THSD7B: variants seen among roughly 807,000 people sequenced by gnomAD.
The protein encoded by THSD7B is thrombospondin type 1 domain containing 7B, also known as thrombospondin type-1 domain-containing protein 7B.
In THSD7B, 138 loss-of-function variants were observed where a neutral mutation model predicts 213.6. The ratio of observed to expected loss-of-function variants is 0.65; its 90% CI spans 0.56 to 0.74. THSD7B has a LOEUF of 0.74. Among genes scored for constraint, THSD7B ranks in the 30% least tolerant of loss-of-function variants. The pLI is 0.00. For missense variants in THSD7B, 1,931 were observed against 1,991.5 expected (o/e 0.97, Z 0.58); for synonymous variants, 742 against 687.0 (o/e 1.08, Z -1.25).
chr2:137,281,688 A>C (rs1416124399), intron 12 of THSD7B, among the ~76,000 whole-genome samples: 1 of 152,042 alleles, frequency 6.6e-6, no homozygotes, highest in African/African-American at 2.4e-5. Flanking sequence ...TTTGCTGAGA[A>C]TGATGGTTTC....
Position 137,638,586 on chromosome 2 carries a change from GC to G in THSD7B, c.3800-3901del. Among the ~76,000 whole-genome samples, 3 of 152,312 alleles carry G rather than the reference GC, an allele frequency of 2.0e-5. No homozygotes were observed. In the East Asian group the frequency reaches 5.8e-4, roughly 29 times the overall value. On this transcript the variant is annotated intron_variant, in intron 20 of 27. Coordinates refer to ENST00000409968, the MANE Select transcript of THSD7B (RefSeq NM_001316349.2). ...TGAAAAGATACCTGAAAATGTGGAA[GC>G]GACTTTGGAACTAGGTAACAGGCAG...
At chr2:137,454,264 T>C (rs1488469702) in intron 15 of THSD7B, among the ~76,000 whole-genome samples, 1 of 152,210 alleles carries the variant, frequency 6.6e-6, no homozygotes, top group Non-Finnish European at 1.5e-5. Flanking sequence ...ACATACTTTA[T>C]ATCTTACCAT....
intron 17 of THSD7B, among the ~76,000 whole-genome samples, chr2:137,606,837 A>T (rs1682189423): frequency 6.6e-6 from 1 of 152,156 alleles, no homozygotes; most frequent in South Asian, 2.1e-4. Flanking sequence ...GAGAAAGTGA[A>T]AGGAGAGAGG....
chr2:137,115,640 C>A (rs532741022), intron 5 of THSD7B, among the ~76,000 whole-genome samples: 1 of 151,972 alleles, frequency 6.6e-6, no homozygotes, highest in African/African-American at 2.4e-5. Context: ...TAATTTTTTG[C>A]TCAAAGGAAT....
At chr2:137,371,021 GAACA>G in intron 12 of THSD7B, among the ~76,000 whole-genome samples, 1 of 151,340 alleles carries the variant, frequency 6.6e-6, no homozygotes, top group East Asian at 1.9e-4. Context: ...ATCTTATTAA[GAACA>G]AACAAAATTT....
In THSD7B at chr2:137,253,242, CT is replaced by C. The variant is rs546536717; in HGVS notation, c.2266+10672del. Among the ~76,000 whole-genome samples the C allele has an allele frequency of 4.1e-3, 630 of 152,114 alleles. 6 individuals carry two copies. The highest frequency in any genetic ancestry group is 0.014 in the African/African-American group (584 of 41,510). Reference sequence around the variant, plus strand: ...ATGATAAACAGTGCTGTTTGGTTGTCTTATAAAATAAACCAACATACCAAAG... The same window carrying C: ...ATGATAAACAGTGCTGTTTGGTTGTCTATAAAATAAACCAACATACCAAAG... On this transcript the variant is annotated intron_variant, in intron 10 of 27. Coordinates refer to ENST00000409968, the MANE Select transcript of THSD7B (RefSeq NM_001316349.2).
chr2:137,263,024 T>A (rs1479533606), intron 10 of THSD7B, among the ~76,000 whole-genome samples: 5 of 152,088 alleles, frequency 3.3e-5, no homozygotes, highest in Admixed American at 6.6e-5. Context: ...TCTCTCTAAA[T>A]TGGGGATGTT....
At chr2:137,101,060 G>A (rs1347229403) in intron 4 of THSD7B, among the ~76,000 whole-genome samples, 1 of 152,046 alleles carries the variant, frequency 6.6e-6, no homozygotes, top group African/African-American at 2.4e-5. Flanking sequence ...TTTTGAAATG[G>A]ACTCTCCCTC....
intron 5 of THSD7B, among the ~76,000 whole-genome samples, chr2:137,128,936 A>G (rs1280839792): frequency 6.6e-6 from 1 of 152,166 alleles, no homozygotes; most frequent in Non-Finnish European, 1.5e-5. Flanking sequence ...GTGGAGTTTG[A>G]AGCTTTAGCA....
chr2:137,605,376 C>G (rs1180456834), intron 17 of THSD7B, among the ~76,000 whole-genome samples: 1 of 152,028 alleles, frequency 6.6e-6, no homozygotes, highest in South Asian at 2.1e-4. Flanking sequence ...ACTCAGAGGC[C>G]AGTGTGAGGA....
At chr2:137,042,124 A>G (rs1258233505) in intron 2 of THSD7B, among the ~76,000 whole-genome samples, 1 of 152,106 alleles carries the variant, frequency 6.6e-6, no homozygotes. Flanking sequence ...CTACCTTCAC[A>G]TTTATTCCTT....
chr2:137,018,890 C>A (rs1420626038), intron 2 of THSD7B, among the ~76,000 whole-genome samples: 1 of 152,066 alleles, frequency 6.6e-6, no homozygotes, highest in Non-Finnish European at 1.5e-5. Context: ...AAACTCTACC[C>A]AGACTCTTTC....
At chr2:137,555,762 T>C (rs1680948662) in intron 15 of THSD7B, among the ~76,000 whole-genome samples, 1 of 152,092 alleles carries the variant, frequency 6.6e-6, no homozygotes, top group South Asian at 2.1e-4. Flanking sequence ...AGGAAGAAAT[T>C]TGAACCCATC....
At chr2:137,585,921 A>C (rs1156428813) in intron 17 of THSD7B, among the ~76,000 whole-genome samples, 2 of 152,144 alleles carry the variant, frequency 1.3e-5, no homozygotes, top group Non-Finnish European at 2.9e-5. Flanking sequence ...GATCTGTCTA[A>C]TGTTGACAGT....
At chr2:137,434,572 G>C (rs762384597) in intron 14 of THSD7B, among the ~76,000 whole-genome samples, 1 of 152,166 alleles carries the variant, frequency 6.6e-6, no homozygotes, top group Non-Finnish European at 1.5e-5. Context: ...GGTCTTTCAC[G>C]AGCTCATGGC....
chr2:137,172,773 G>A (rs1020669400), intron 7 of THSD7B, among the ~76,000 whole-genome samples: 1 of 152,178 alleles, frequency 6.6e-6, no homozygotes, highest in South Asian at 2.1e-4. Context: ...GAAGTGAGCG[G>A]CAGTCTTGAA....
chr2:137,676,458 G>A, intron 27 of THSD7B, 66 bp from the exon 28 acceptor site: 1 of 1,392,530 alleles, frequency 7.2e-7, no homozygotes, highest in South Asian at 1.4e-5. Context: ...TCTCAAAATT[G>A]TCTTTGGCAG....
At chr2:136,905,742 T>C (rs1684149405) in intron 2 of THSD7B, among the ~76,000 whole-genome samples, 1 of 152,228 alleles carries the variant, frequency 6.6e-6, no homozygotes. Context: ...AAGTACATCA[T>C]TAGGCATTGA....
At chr2:137,174,365 C>T (rs1262223268) in intron 7 of THSD7B, among the ~76,000 whole-genome samples, 1 of 152,190 alleles carries the variant, frequency 6.6e-6, no homozygotes, top group East Asian at 1.9e-4. Context: ...ACATATTGCT[C>T]TTCCCCAGGA....
Sources: gnomAD v4.1 joint callset for allele counts (sites outside exome capture counted in the v4.1 genomes callset) on GRCh38, gnomAD v4.1.1 for gene constraint, MANE v1.5 for transcripts, NCBI Gene and HGNC (gene_info 2026-07-23, HGNC 2026-07-21) for gene names.